The following PCDHGA5 variants were observed in gnomAD, a reference collection of about 807,000 sequenced individuals.
PCDHGA5 encodes the protein protocadherin gamma-A5.
In PCDHGA5, 36 loss-of-function variants were observed where a neutral mutation model predicts 56.7. The ratio of observed to expected loss-of-function variants is 0.64; its 90% CI spans 0.49 to 0.84. The LOEUF (loss-of-function observed/expected upper bound fraction) is 0.84. Ranked by LOEUF, PCDHGA5 falls within the 40% of genes least tolerant of loss-of-function variation. The pLI is 0.00. For synonymous variants in PCDHGA5, 563 were observed against 520.2 expected (o/e 1.08, Z -1.12); for missense variants, 1,305 against 1,201.5 (o/e 1.09, Z -1.27).
intron 1 of PCDHGA5, chr5:141,390,071 CTG>C: frequency 1.2e-6 from 2 of 1,614,084 alleles, no homozygotes; most frequent in Middle Eastern, 1.6e-4. Context: ...AGCCTGGTCT[CTG>C]TGTTAAATCC....
chr5:141,430,826 CTG>C (rs2097313923), intron 1 of PCDHGA5: 1 of 1,550,416 alleles, frequency 6.4e-7, no homozygotes, highest in Non-Finnish European at 8.7e-7. Context: ...CCTGGGGACT[CTG>C]TGGGAGACCG....
At chr5:141,416,929 C>T (rs1184470714) in intron 1 of PCDHGA5, 1 of 151,960 alleles carries the variant, frequency 6.6e-6, no homozygotes. Flanking sequence ...TAGTTATTAA[C>T]TATTAAACCA....
chr5:141,397,805 A>G (rs1015155491), intron 1 of PCDHGA5, among the ~76,000 whole-genome samples: 1 of 152,236 alleles, frequency 6.6e-6, no homozygotes, highest in African/African-American at 2.4e-5. Flanking sequence ...TAAGTTAGGC[A>G]CACAAAAACA....
rs149553852 is a variant in PCDHGA5 at position 141,415,009 on chromosome 5, C to T, written c.2421+48258C>T. On this transcript the variant is annotated intron_variant, in intron 1 of 3. Coordinates refer to ENST00000518069, the MANE Select transcript of PCDHGA5 (RefSeq NM_018918.3). ...CCAGAACGCCTGGCTGTCCTACCGT[C>T]TGCTCAAGGCCAGCGAGCCGGGACT... 1.9e-3 allele frequency: 3,040 copies of T among 1,613,658 alleles called. 49 individuals are homozygous for T. In the African/African-American group the frequency reaches 0.033, roughly 18 times the overall value.
At position 141,450,051 on chromosome 5, in the gene PCDHGA5, G is replaced by C. The variant is rs576363410; in HGVS notation, c.2422-44756G>C. ...AGACAGGGTCTCACTCTTTCGCCCA[G>C]GCTGGAATGCAGTGGTATGATCTTG... On this transcript the variant is annotated intron_variant, in intron 1 of 3. Coordinates refer to ENST00000518069, the MANE Select transcript of PCDHGA5 (RefSeq NM_018918.3). Among the ~76,000 whole-genome samples, 362 of 139,654 alleles carry C rather than the reference G, an allele frequency of 2.6e-3. 1 individual carries two copies. Among genetic ancestry groups the C allele is most frequent in the South Asian group, 5.5e-3 (25 of 4,506 alleles). 91.6% of individuals were successfully genotyped at this position (139,654 alleles called of 152,430 possible). A position where few individuals can be genotyped will look rare whatever the true frequency, so the allele number is the denominator to read the frequency against.
chr5:141,370,204 A>G, intron 1 of PCDHGA5: 1 of 545,938 alleles, frequency 1.8e-6, no homozygotes, highest in Non-Finnish European at 3.1e-6. Flanking sequence ...TGTGCAAAAT[A>G]TTGGCTCCTC....
At chr5:141,372,226 C>A (rs1238266870) in intron 1 of PCDHGA5, 1 of 1,613,332 alleles carries the variant, frequency 6.2e-7, no homozygotes, top group Non-Finnish European at 8.5e-7. Flanking sequence ...ATTGTGCAGG[C>A]CAGCGAGCCC....
intron 1 of PCDHGA5, chr5:141,415,732 T>G (rs1159160519): frequency 5.0e-6 from 7 of 1,411,138 alleles, no homozygotes; most frequent in Non-Finnish European, 6.5e-6. Context: ...AATTTGATGT[T>G]TATTAAGGTT....
chr5:141,399,896 T>G (rs1271195619), intron 1 of PCDHGA5: 2 of 1,612,518 alleles, frequency 1.2e-6, no homozygotes, highest in Non-Finnish European at 8.5e-7. Flanking sequence ...GTAGTGGCCG[T>G]GGACGCAGAC....
At position 141,454,796 on chromosome 5, in the gene PCDHGA5, A is replaced by ATT. The variant is rs61612330; in HGVS notation, c.2422-39983_2422-39982dup. On this transcript the variant is annotated intron_variant, in intron 1 of 3. Coordinates refer to ENST00000518069, the MANE Select transcript of PCDHGA5 (RefSeq NM_018918.3). Reference sequence around the variant, plus strand: ...AAGGAAATAATCCTCCATGGTTCTAATTTTTTTTTTTTTTTTTTTTTTTTT... The same window carrying ATT: ...AAGGAAATAATCCTCCATGGTTCTAATTTTTTTTTTTTTTTTTTTTTTTTTTT... 6.7e-3 allele frequency among the ~76,000 whole-genome samples: 521 copies of ATT among 77,456 alleles called. 71 individuals are homozygous for ATT. The highest frequency in any genetic ancestry group is 0.017 in the Middle Eastern group (2 of 120). The allele number at this position is 77,456 out of a possible 152,430, so 50.8% of individuals were successfully genotyped here.
chr5:141,400,030 C>G (rs201599536), intron 1 of PCDHGA5: 3 of 1,613,050 alleles, frequency 1.9e-6, no homozygotes, highest in Non-Finnish European at 2.5e-6. Flanking sequence ...GGACGCGGCC[C>G]GCCAGCGCCT....
At chr5:141,471,361 CT>C (rs2099255928) in intron 1 of PCDHGA5, 1 of 151,976 alleles carries the variant, frequency 6.6e-6, no homozygotes, top group Non-Finnish European at 1.5e-5. Flanking sequence ...TCCAAGCCCC[CT>C]ATTTTTATTT....
intron 1 of PCDHGA5, among the ~76,000 whole-genome samples, chr5:141,455,322 G>A (rs376682363): frequency 1.3e-5 from 2 of 152,134 alleles, no homozygotes; most frequent in East Asian, 3.9e-4. Context: ...TTTTGTGTGT[G>A]TGTTTGTGGT....
chr5:141,390,764 G>T, intron 1 of PCDHGA5: 2 of 165,996 alleles, frequency 1.2e-5, no homozygotes, highest in Non-Finnish European at 2.6e-5. Flanking sequence ...TTTGTTTCCT[G>T]TGTTAACTTC....
chr5:141,456,390 T>G (rs1007800936), intron 1 of PCDHGA5, among the ~76,000 whole-genome samples: 2 of 152,114 alleles, frequency 1.3e-5, no homozygotes, highest in African/African-American at 4.8e-5. Context: ...CGTTTGGAGT[T>G]TGATTGCTTC....
chr5:141,505,557 A>C (rs2099846692), intron 3 of PCDHGA5, 76 bp downstream of exon 3: 1 of 1,606,080 alleles, frequency 6.2e-7, no homozygotes, highest in Non-Finnish European at 8.5e-7. Flanking sequence ...CACCATGCCC[A>C]CGGACTGGAT....
At chr5:141,393,735 G>C (rs1478004701) in intron 1 of PCDHGA5, 3 of 1,613,740 alleles carry the variant, frequency 1.9e-6, no homozygotes, top group Non-Finnish European at 1.7e-6. Context: ...AAAAAGTCTA[G>C]ATTATGAAGA....
chr5:141,413,865 C>A, intron 1 of PCDHGA5: 2 of 1,613,388 alleles, frequency 1.2e-6, no homozygotes, highest in Non-Finnish European at 1.7e-6. Context: ...CTGGCACTGT[C>A]CTTGTCAGTG....
At chr5:141,501,841 C>T (rs2099811330) in intron 2 of PCDHGA5, among the ~76,000 whole-genome samples, 1 of 152,130 alleles carries the variant, frequency 6.6e-6, no homozygotes, top group African/African-American at 2.4e-5. Flanking sequence ...CTGTTTGGCC[C>T]TCAACCTTCA....
Sources: gnomAD v4.1 joint callset for allele counts (sites outside exome capture counted in the v4.1 genomes callset) on GRCh38, gnomAD v4.1.1 for gene constraint, MANE v1.5 for transcripts, NCBI Gene and HGNC (gene_info 2026-07-23, HGNC 2026-07-21) for gene names.